ARL3: variants seen among roughly 807,000 people sequenced by gnomAD.
The protein encoded by ARL3 is ADP-ribosylation factor-like protein 3.
In ARL3, 9 loss-of-function variants were observed where a neutral mutation model predicts 26.0. The ratio of observed to expected loss-of-function variants is 0.35; its 90% CI spans 0.21 to 0.60. The LOEUF is 0.60. ARL3 is among the 20% of genes least tolerant of loss of function. The pLI is 0.78. For synonymous variants in ARL3, 71 were observed against 78.4 expected (o/e 0.91, Z 0.50); for missense variants, 158 against 215.7 (o/e 0.73, Z 1.67).
intron 1 of ARL3, among the ~76,000 whole-genome samples, chr10:102,706,449 T>TC (rs1412453927): frequency 1.3e-5 from 2 of 151,692 alleles, no homozygotes; most frequent in Non-Finnish European, 2.9e-5. Context: ...AGACTCCGTC[T>TC]CAAAAAAAAA....
At chr10:102,700,493 C>T (rs2064274130) in intron 2 of ARL3, among the ~76,000 whole-genome samples, 1 of 149,612 alleles carries the variant, frequency 6.7e-6, no homozygotes, top group Non-Finnish European at 1.5e-5. Flanking sequence ...GAGACAGAGT[C>T]TCGCTCTGTT....
chr10:102,688,415 C>T (rs1590121659), intron 4 of ARL3, among the ~76,000 whole-genome samples: 2 of 152,040 alleles, frequency 1.3e-5, no homozygotes, highest in East Asian at 3.9e-4. Context: ...GGGACATAAA[C>T]ATGAGAACTG....
intron 3 of ARL3, among the ~76,000 whole-genome samples, chr10:102,696,267 ATTT>A (rs370113114): frequency 7.5e-6 from 1 of 133,592 alleles, no homozygotes; most frequent in Non-Finnish European, 1.6e-5. Context: ...CCTGGCCAAC[ATTT>A]TTTTTTTTTT....
At chr10:102,692,192 T>G (rs1267846819) in intron 3 of ARL3, among the ~76,000 whole-genome samples, 1 of 152,202 alleles carries the variant, frequency 6.6e-6, no homozygotes, top group Non-Finnish European at 1.5e-5. Context: ...GAGCTTATGA[T>G]TTAAAATTAC....
chr10:102,699,998 A>G (rs1280856562), intron 2 of ARL3, among the ~76,000 whole-genome samples: 1 of 152,240 alleles, frequency 6.6e-6, no homozygotes, highest in Non-Finnish European at 1.5e-5. Flanking sequence ...ATCAGGAAAA[A>G]GAGCAGAACT....
At chr10:102,695,609 C>T (rs1431093798) in intron 3 of ARL3, among the ~76,000 whole-genome samples, 3 of 151,438 alleles carry the variant, frequency 2.0e-5, no homozygotes, top group Admixed American at 6.6e-5. Context: ...CTTGGCTCAC[C>T]GCAACCTCCA....
intron 2 of ARL3, among the ~76,000 whole-genome samples, chr10:102,703,483 G>A (rs1261035848): frequency 8.2e-5 from 9 of 110,114 alleles, no homozygotes; most frequent in Non-Finnish European, 1.6e-4. Context: ...TCGCTCTGTC[G>A]CCCAGGCTGG....
At chr10:102,699,798 A>G (rs1276254345) in intron 2 of ARL3, among the ~76,000 whole-genome samples, 4 of 152,228 alleles carry the variant, frequency 2.6e-5, no homozygotes, top group Non-Finnish European at 5.9e-5. Flanking sequence ...ACCAACACAC[A>G]TCACATGCCC....
rs750304287 is a variant in ARL3 at position 102,699,519 on chromosome 10, A to G, written c.148-30T>C. 3.0e-6 allele frequency: 4 copies of G among 1,329,260 alleles called. No homozygotes were observed. In the Admixed American group the frequency reaches 7.4e-5, roughly 25 times the overall value. The allele number at this position is 1,329,260 out of a possible 1,614,324, so 82.3% of individuals were successfully genotyped here. A position where few individuals can be genotyped will look rare whatever the true frequency, so the allele number is the denominator to read the frequency against. ...AACAGGGACAAAAACATCAAGTTTT[A>G]TTAAACTTTGGGATCATAATTCTGA... On this transcript the variant is annotated intron_variant, in intron 2 of 5. Transcript: ENST00000260746.
intron 1 of ARL3, among the ~76,000 whole-genome samples, chr10:102,705,795 T>TA (rs1318147160): frequency 6.6e-6 from 1 of 152,148 alleles, no homozygotes; most frequent in Non-Finnish European, 1.5e-5. Flanking sequence ...TAAAGCCCTT[T>TA]ACATACACTT....
At chr10:102,700,254 CA>C (rs1269171149) in intron 2 of ARL3, among the ~76,000 whole-genome samples, 3 of 151,776 alleles carry the variant, frequency 2.0e-5, no homozygotes, top group Non-Finnish European at 4.4e-5. Flanking sequence ...ACTAAAAATA[CA>C]AAAATTAGCC....
chr10:102,695,362 T>C (rs1378074478), intron 3 of ARL3, among the ~76,000 whole-genome samples: 2 of 152,164 alleles, frequency 1.3e-5, no homozygotes, highest in Non-Finnish European at 2.9e-5. Flanking sequence ...TGCCTAAGTG[T>C]TTCATTTTGG....
chr10:102,691,492 T>C (rs747360617), intron 3 of ARL3, among the ~76,000 whole-genome samples: 4 of 152,136 alleles, frequency 2.6e-5, no homozygotes, highest in Non-Finnish European at 4.4e-5. Flanking sequence ...TGTAAACAAA[T>C]GTATGTGGCT....
At chr10:102,696,310 AG>A (rs2064247685) in intron 3 of ARL3, among the ~76,000 whole-genome samples, 1 of 142,650 alleles carries the variant, frequency 7.0e-6, no homozygotes, top group African/African-American at 2.6e-5. Flanking sequence ...CTGTCGCCAA[AG>A]CTGGAGAGCA....
chr10:102,714,153 T>G, intron 1 of ARL3, 120 bp downstream of exon 1: 2 of 1,200,912 alleles, frequency 1.7e-6, no homozygotes, highest in Non-Finnish European at 2.2e-6. Flanking sequence ...ACAACCCAGA[T>G]AGCAGGCTGA....
In ARL3 at chr10:102,676,958, C is replaced by T; in HGVS notation, c.502-17G>A. The stretch of plus-strand genomic sequence containing the variant: ...CATGCCATCCTTTGAGGGAAATGGG[C>T]AGAGAAAGGCAGTGTTAGTTATAAG... On this transcript the variant is annotated splice_polypyrimidine_tract_variant and intron_variant, in intron 5 of 5. Coordinates refer to ENST00000260746, the MANE Select transcript of ARL3 (RefSeq NM_004311.4). 1 of 1,613,206 alleles carries T rather than the reference C, an allele frequency of 6.2e-7. No homozygotes were observed. The highest frequency in any genetic ancestry group is 1.6e-4 in the Middle Eastern group (1 of 6,062).
chr10:102,694,691 A>G (rs906621392), intron 3 of ARL3, among the ~76,000 whole-genome samples: 4 of 151,712 alleles, frequency 2.6e-5, no homozygotes, highest in African/African-American at 7.3e-5. Flanking sequence ...CTGTTGATCA[A>G]TTTGTCTACT....
chr10:102,694,508 A>C (rs1003713882), intron 3 of ARL3, among the ~76,000 whole-genome samples: 5 of 152,044 alleles, frequency 3.3e-5, no homozygotes, highest in African/African-American at 9.7e-5. Flanking sequence ...TTAACATTTT[A>C]AGTTAAGGGG....
intron 3 of ARL3, among the ~76,000 whole-genome samples, chr10:102,697,425 C>T (rs1277718196): frequency 2.0e-5 from 3 of 152,198 alleles, no homozygotes; most frequent in Non-Finnish European, 2.9e-5. Context: ...GATCCACCTG[C>T]CTTGGCCTCC....
Sources: gnomAD v4.1 joint callset for allele counts (sites outside exome capture counted in the v4.1 genomes callset) on GRCh38, gnomAD v4.1.1 for gene constraint, MANE v1.5 for transcripts, NCBI Gene and HGNC (gene_info 2026-07-23, HGNC 2026-07-21) for gene names.